CDH7: variants seen among roughly 807,000 people sequenced by gnomAD.
CDH7 encodes the protein cadherin-7.
Under a neutral mutation model 71.8 loss-of-function variants are expected in CDH7, and 25 were observed. The ratio of observed to expected loss-of-function variants is 0.35; its 90% CI spans 0.25 to 0.49. The LOEUF (loss-of-function observed/expected upper bound fraction) is 0.49, where lower values mean the gene tolerates loss of function less well. Ranked by LOEUF, CDH7 falls within the 20% of genes least tolerant of loss-of-function variation. The probability of loss-of-function intolerance (pLI) is 0.99; values close to 1 mark genes in which losing one functional copy is unlikely to be tolerated. For synonymous variants in CDH7, 381 were observed against 363.8 expected, an observed-to-expected ratio of 1.05 and a Z score of -0.54; for missense variants, 862 against 974.6, an observed-to-expected ratio of 0.88 and a Z score of 1.54.
Position 65,889,507 on chromosome 18 carries a change from A to G in CDH7, c.*8613A>G, listed in dbSNP as rs1171899613. 1 of 152,198 alleles carries G rather than the reference A, an allele frequency of 6.6e-6. No homozygotes were observed. The highest frequency in any genetic ancestry group is 1.5e-5 in the Non-Finnish European group (1 of 68,036). 9.4% of individuals were successfully genotyped at this position (152,198 alleles called of 1,614,324 possible). A position where few individuals can be genotyped will look rare whatever the true frequency, so the allele number is the denominator to read the frequency against. The stretch of plus-strand genomic sequence containing the variant: ...TTAGTAGTCAAAAATGACCAAACAC[A>G]GACGATAACCCACCATGAAGGAGAT... On this transcript the variant is annotated 3_prime_UTR_variant, in exon 12 of 12. Transcript: ENST00000397968.
At chr18:65,751,891 T>C (rs1915891356) in intron 1 of CDH7, among the ~76,000 whole-genome samples, 1 of 152,202 alleles carries the variant, frequency 6.6e-6, no homozygotes, top group Non-Finnish European at 1.5e-5. Flanking sequence ...AGACCCGTTA[T>C]TCTGTACCGC....
intron 1 of CDH7, among the ~76,000 whole-genome samples, chr18:65,760,150 A>C (rs1916149822): frequency 6.6e-6 from 1 of 152,172 alleles, no homozygotes; most frequent in Non-Finnish European, 1.5e-5. Flanking sequence ...TAATCCCAAG[A>C]ACTTTTTAAA....
chr18:65,759,769 A>G (rs1292227640), intron 1 of CDH7, among the ~76,000 whole-genome samples: 1 of 152,196 alleles, frequency 6.6e-6, no homozygotes, highest in Non-Finnish European at 1.5e-5. Flanking sequence ...CTTGTAGGAC[A>G]ATGAGTCCTG....
At chr18:65,879,812 C>A (rs1021091471) in intron 11 of CDH7, among the ~76,000 whole-genome samples, 1 of 152,072 alleles carries the variant, frequency 6.6e-6, no homozygotes, top group East Asian at 1.9e-4. Flanking sequence ...TGGATAAAGA[C>A]CAAGTTCAGT....
intron 2 of CDH7, among the ~76,000 whole-genome samples, chr18:65,778,800 G>C (rs1050034905): frequency 1.3e-5 from 2 of 151,414 alleles, no homozygotes; most frequent in Admixed American, 6.6e-5. Flanking sequence ...AAATTTTACA[G>C]TAATGTTCAT....
chr18:65,851,616 A>G (rs1879132878), intron 7 of CDH7, among the ~76,000 whole-genome samples: 2 of 152,240 alleles, frequency 1.3e-5, no homozygotes, highest in African/African-American at 2.4e-5. Context: ...AACACTGAAG[A>G]CACACAGATG....
At chr18:65,837,739 A>C (rs920105738) in intron 6 of CDH7, among the ~76,000 whole-genome samples, 2 of 152,124 alleles carry the variant, frequency 1.3e-5, no homozygotes, top group East Asian at 3.9e-4. Context: ...TAACCCAGGG[A>C]AATAAGAAAA....
intron 2 of CDH7, among the ~76,000 whole-genome samples, chr18:65,800,764 T>C (rs1911093663): frequency 6.6e-6 from 1 of 152,218 alleles, no homozygotes; most frequent in African/African-American, 2.4e-5. Flanking sequence ...CCTCTTTTTA[T>C]AGATCTCATG....
chr18:65,804,928 T>G (rs537628380), intron 2 of CDH7, among the ~76,000 whole-genome samples: 1 of 152,230 alleles, frequency 6.6e-6, no homozygotes, highest in East Asian at 1.9e-4. Flanking sequence ...TTCAGAGGAT[T>G]ATGGAGAACA....
chr18:65,857,727 A>G, intron 7 of CDH7, 89 bp from the exon 8 acceptor site: 1 of 1,270,268 alleles, frequency 7.9e-7, no homozygotes, highest in Admixed American at 1.9e-5. Flanking sequence ...AGGATTTAGT[A>G]ATGAGCTACA....
intron 3 of CDH7, among the ~76,000 whole-genome samples, chr18:65,811,122 G>A (rs931348815): frequency 6.6e-6 from 1 of 150,986 alleles, no homozygotes; most frequent in Non-Finnish European, 1.5e-5. Context: ...AATATTGAGA[G>A]TTTATTTAAA....
intron 2 of CDH7, among the ~76,000 whole-genome samples, chr18:65,791,750 C>G (rs1910719612): frequency 6.6e-6 from 1 of 152,170 alleles, no homozygotes; most frequent in African/African-American, 2.4e-5. Context: ...GTATGTAATC[C>G]TGCGATGCTC....
intron 6 of CDH7, among the ~76,000 whole-genome samples, chr18:65,837,117 T>C (rs1478297469): frequency 1.3e-5 from 2 of 152,210 alleles, no homozygotes; most frequent in Non-Finnish European, 2.9e-5. Context: ...GTAGAAAATA[T>C]AATTTCTTGC....
At chr18:65,804,143 G>A (rs1911227864) in intron 2 of CDH7, among the ~76,000 whole-genome samples, 2 of 151,990 alleles carry the variant, frequency 1.3e-5, no homozygotes. Context: ...TATGTTTATA[G>A]ATGGTCTTTT....
At position 65,762,930 on chromosome 18, in the gene CDH7, T is replaced by G. The variant is rs1208293337; in HGVS notation, c.88T>G (p.Ser30Ala). 3 of 1,613,530 alleles carry G rather than the reference T, an allele frequency of 1.9e-6. No individual in the cohort carries two copies. The East Asian group carries it at 6.7e-5, about 36-fold the overall frequency. Residue 30 changes from serine to alanine, a missense_variant, in exon 2 of 12, where the codon TCA becomes GCA. By Grantham distance (99) the Ser-to-Ala change is moderately conservative. Coordinates refer to ENST00000397968, the MANE Select transcript of CDH7 (RefSeq NM_004361.5). ...TTCTGGGATGAGTCAAGCAGAACTC[T>G]CAAGGTCCAGATCAAAGCCCTATTT... ...CFSGMSQAELSRSRSKPYFQS... is the reference protein window; with the variant it reads ...CFSGMSQAELARSRSKPYFQS...
At chr18:65,847,841 C>G (rs772941696) in intron 7 of CDH7, among the ~76,000 whole-genome samples, 4 of 152,098 alleles carry the variant, frequency 2.6e-5, no homozygotes, top group South Asian at 4.1e-4. Flanking sequence ...ACCACCATTT[C>G]ATGTACACTG....
chr18:65,817,427 C>G (rs547920164), intron 4 of CDH7, among the ~76,000 whole-genome samples: 1 of 152,278 alleles, frequency 6.6e-6, no homozygotes, highest in South Asian at 2.1e-4. Context: ...GCTGCCAGCA[C>G]TGGAATTCTT....
rs923629016 is a variant in CDH7, at chr18:65,881,221, C to T, written c.*327C>T. 26 of 197,698 alleles carry T rather than the reference C, an allele frequency of 1.3e-4. No individual in the cohort carries two copies. Among genetic ancestry groups the T allele is most frequent in the African/African-American group, 6.1e-4 (26 of 42,686 alleles). The allele number at this position is 197,698 out of a possible 1,614,324, so 12.2% of individuals were successfully genotyped here. On this transcript the variant is annotated 3_prime_UTR_variant, in exon 12 of 12. Coordinates refer to ENST00000397968, the MANE Select transcript of CDH7 (RefSeq NM_004361.5). ...ACCAAACCTCTATGAGAAAGTAGTG[C>T]CCTGTGTTGTCAGTGAGTCAAAGAT...
chr18:65,767,644 TTACAAC>T (rs1316402469), intron 2 of CDH7, among the ~76,000 whole-genome samples: 2 of 152,148 alleles, frequency 1.3e-5, no homozygotes, highest in African/African-American at 4.8e-5. Flanking sequence ...CATAATAACT[TTACAAC>T]TAGAGTCAAT....
Sources: allele counts gnomAD v4.1 joint callset (sites outside exome capture counted in the v4.1 genomes callset), GRCh38; gene constraint gnomAD v4.1.1; transcripts MANE v1.5; gene names NCBI Gene and HGNC (gene_info 2026-07-23, HGNC 2026-07-21).